FBXL4: variants seen among roughly 807,000 people sequenced by gnomAD.
FBXL4 encodes the protein F-box/LRR-repeat protein 4.
Under a neutral mutation model 58.9 loss-of-function variants are expected in FBXL4, and 40 were observed. The observed-to-expected ratio is 0.68, with a 90% CI of 0.53 to 0.88. The LOEUF is 0.88. Ranked by LOEUF, FBXL4 falls within the 40% of genes least tolerant of loss-of-function variation. The pLI, the probability that FBXL4 is intolerant of heterozygous loss-of-function variation, is 0.00. For missense variants in FBXL4, 676 were observed against 734.4 expected (o/e 0.92, Z 0.92); for synonymous variants, 263 against 265.5 (o/e 0.99, Z 0.09).
At chr6:98,910,908 G>C (rs1772026502) in intron 5 of FBXL4, among the ~76,000 whole-genome samples, 1 of 152,214 alleles carries the variant, frequency 6.6e-6, no homozygotes, top group South Asian at 2.1e-4. Context: ...AGGGATCAGG[G>C]AGTTCCCTTT....
chr6:98,934,567 G>T (rs1430966124), intron 2 of FBXL4, among the ~76,000 whole-genome samples, 195 bp downstream of exon 2: 1 of 152,110 alleles, frequency 6.6e-6, no homozygotes, highest in African/African-American at 2.4e-5. Context: ...TATTCTAATT[G>T]TACTAGATCT....
chr6:98,880,688 A>G, intron 7 of FBXL4, 64 bp from the exon 8 acceptor site: 2 of 1,363,296 alleles, frequency 1.5e-6, no homozygotes, highest in Non-Finnish European at 2.1e-6. Flanking sequence ...CAAAGAGAAG[A>G]GGTCAATTAG....
intron 8 of FBXL4, among the ~76,000 whole-genome samples, chr6:98,876,862 C>A (rs551652094): frequency 1.3e-5 from 2 of 152,170 alleles, no homozygotes; most frequent in African/African-American, 2.4e-5. Context: ...GACATTTAGA[C>A]CATGAAGGAG....
intron 6 of FBXL4, among the ~76,000 whole-genome samples, chr6:98,900,976 A>G (rs1394054963): frequency 6.6e-6 from 1 of 152,088 alleles, no homozygotes; most frequent in Non-Finnish European, 1.5e-5. Flanking sequence ...AAGCACATTC[A>G]TTCATTCATT....
intron 8 of FBXL4, among the ~76,000 whole-genome samples, chr6:98,879,578 G>A (rs1172998125): frequency 6.6e-6 from 1 of 152,034 alleles, no homozygotes; most frequent in Non-Finnish European, 1.5e-5. Flanking sequence ...ACATAAAATC[G>A]TATTTTAAAT....
chr6:98,903,032 G>A, intron 6 of FBXL4, among the ~76,000 whole-genome samples: 1 of 151,992 alleles, frequency 6.6e-6, no homozygotes. Context: ...TGTGAGATAA[G>A]GCTTTTAAGC....
chr6:98,891,276 G>A (rs1031441398), intron 7 of FBXL4, among the ~76,000 whole-genome samples: 1 of 137,590 alleles, frequency 7.3e-6, no homozygotes, highest in Non-Finnish European at 1.7e-5. Flanking sequence ...TGAGGAAAAA[G>A]AAGTTCTCTA....
In FBXL4 at chr6:98,872,313, A is replaced by C. The variant is rs1770512283; in HGVS notation, c.*1965T>G. 6.6e-6 allele frequency: 1 copy of C among 152,252 alleles called. No homozygotes were observed. Among genetic ancestry groups the C allele is most frequent in the Admixed American group, 6.5e-5 (1 of 15,286 alleles). The allele number at this position is 152,252 out of a possible 1,614,324, so 9.4% of individuals were successfully genotyped here. On this transcript the variant is annotated 3_prime_UTR_variant, in exon 10 of 10. Transcript: ENST00000369244. ...AAAGGAAAATATCCAGAGAAGAAGTAACCTTTCAAGTGATGAATATGCTCA... is the reference window on the plus strand; with the variant it reads ...AAAGGAAAATATCCAGAGAAGAAGTCACCTTTCAAGTGATGAATATGCTCA...
chr6:98,944,766 A>G (rs1773558477), intron 1 of FBXL4, among the ~76,000 whole-genome samples: 1 of 152,178 alleles, frequency 6.6e-6, no homozygotes. Flanking sequence ...TTTGCAGCCC[A>G]CTATGAAAGA....
intron 4 of FBXL4, among the ~76,000 whole-genome samples, chr6:98,921,081 G>A (rs763973993): frequency 6.6e-6 from 1 of 152,142 alleles, no homozygotes; most frequent in Non-Finnish European, 1.5e-5. Context: ...ATGTCTTTGA[G>A]ACTGGGCTTA....
intron 5 of FBXL4, among the ~76,000 whole-genome samples, chr6:98,911,263 C>T (rs1001945266): frequency 1.3e-5 from 2 of 152,190 alleles, no homozygotes; most frequent in Non-Finnish European, 2.9e-5. Flanking sequence ...CACAGACAAA[C>T]AAAAAGACAG....
At chr6:98,877,823 G>C (rs1770709384) in intron 8 of FBXL4, among the ~76,000 whole-genome samples, 1 of 152,096 alleles carries the variant, frequency 6.6e-6, no homozygotes, top group African/African-American at 2.4e-5. Flanking sequence ...TTATATAATA[G>C]TGGAATTTAA....
chr6:98,916,324 C>A (rs543428305), intron 5 of FBXL4, among the ~76,000 whole-genome samples: 59 of 152,300 alleles, frequency 3.9e-4, no homozygotes, highest in South Asian at 8.3e-4. Context: ...TGGGTATATA[C>A]CCAAAGGACA....
intron 1 of FBXL4, among the ~76,000 whole-genome samples, chr6:98,941,552 C>T (rs948135919): frequency 3.9e-5 from 6 of 152,128 alleles, no homozygotes; most frequent in African/African-American, 9.7e-5. Flanking sequence ...GTTATGCACA[C>T]GCTAGCTTAC....
At chr6:98,900,996 T>C (rs1771589378) in intron 6 of FBXL4, among the ~76,000 whole-genome samples, 1 of 152,150 alleles carries the variant, frequency 6.6e-6, no homozygotes, top group Non-Finnish European at 1.5e-5. Context: ...TCAACAAATA[T>C]GCCCTGAGCT....
At chr6:98,922,803 G>A in intron 4 of FBXL4, among the ~76,000 whole-genome samples, 1 of 152,102 alleles carries the variant, frequency 6.6e-6, no homozygotes. Context: ...TAATGGTGAT[G>A]ACAGGTAACA....
chr6:98,871,181 A>T lies in FBXL4; in HGVS notation c.*3097T>A, dbSNP rs2128373038. On this transcript the variant is annotated 3_prime_UTR_variant, in exon 10 of 10. Transcript: ENST00000369244. Reference sequence around the variant, plus strand: ...GAAAACATTTTACTAACGATAACTAAATTGTGTTTGATTCTATCGGCTGAA... The same window carrying T: ...GAAAACATTTTACTAACGATAACTATATTGTGTTTGATTCTATCGGCTGAA... The T allele has an allele frequency of 6.6e-6, 1 of 152,340 alleles. No homozygotes were observed. 9.4% of individuals were successfully genotyped at this position (152,340 alleles called of 1,614,324 possible).
At chr6:98,878,154 CCATGGGAAAGTCAG>C (rs1210423136) in intron 8 of FBXL4, among the ~76,000 whole-genome samples, 4 of 152,098 alleles carry the variant, frequency 2.6e-5, no homozygotes, top group Non-Finnish European at 5.9e-5. Flanking sequence ...ATCACAATCA[CCATGGGAAAGTCAG>C]CACAGTGCTC....
In FBXL4 at chr6:98,946,372, C is replaced by T. The variant is rs1427433745; in HGVS notation, c.-309+1434G>A. ...GATCATTAACAATACTAGAAGAAAA[C>T]GGAGGTGGATATTTATATACAATTC... On this transcript the variant is annotated intron_variant, in intron 1 of 9. Transcript: ENST00000369244. 3.9e-5 allele frequency among the ~76,000 whole-genome samples: 6 copies of T among 152,118 alleles called. No homozygotes were observed. The South Asian group carries it at 1.2e-3, about 32-fold the overall frequency.
Sources: gnomAD v4.1 joint callset for allele counts (sites outside exome capture counted in the v4.1 genomes callset) on GRCh38, gnomAD v4.1.1 for gene constraint, MANE v1.5 for transcripts, NCBI Gene and HGNC (gene_info 2026-07-23, HGNC 2026-07-21) for gene names.